The following LRP1B variants were observed in gnomAD, a reference collection of about 807,000 sequenced individuals.
The protein encoded by LRP1B is low-density lipoprotein receptor-related protein 1B.
LRP1B carries 217 observed loss-of-function variants against 556.6 expected under a neutral mutation model. That is an observed-to-expected ratio of 0.39 (90% CI 0.35 to 0.44). The LOEUF is 0.44. Among genes scored for constraint, LRP1B ranks in the 20% least tolerant of loss-of-function variants. LRP1B has a pLI of 1.00. For missense variants in LRP1B, 5,053 were observed against 5,620.8 expected (o/e 0.90, Z 3.23); for synonymous variants, 2,047 against 1,865.8 (o/e 1.10, Z -2.50).
At chr2:141,253,867 T>TATAGAC (rs1684362130) in intron 4 of LRP1B, among the ~76,000 whole-genome samples, 1 of 151,916 alleles carries the variant, frequency 6.6e-6, no homozygotes, top group African/African-American at 2.4e-5. Context: ...TAGATATAGA[T>TATAGAC]AGATTCTAAG....
chr2:141,493,578 G>C (rs1683412375), intron 2 of LRP1B, among the ~76,000 whole-genome samples: 1 of 152,146 alleles, frequency 6.6e-6, no homozygotes, highest in African/African-American at 2.4e-5. Flanking sequence ...ATGGGGTCAA[G>C]AGCTGGCAAA....
chr2:140,408,997 C>G (rs1684860988), intron 66 of LRP1B, among the ~76,000 whole-genome samples: 1 of 151,930 alleles, frequency 6.6e-6, no homozygotes, highest in Non-Finnish European at 1.5e-5. Context: ...ACTTCTCTTG[C>G]TAGTTCTCTT....
At chr2:140,977,490 T>C (rs1696636886) in intron 18 of LRP1B, among the ~76,000 whole-genome samples, 1 of 152,206 alleles carries the variant, frequency 6.6e-6, no homozygotes, top group Non-Finnish European at 1.5e-5. Flanking sequence ...TTTGCATATA[T>C]AGACATTCTT....
chr2:140,677,656 T>A (rs1685716774), intron 41 of LRP1B, among the ~76,000 whole-genome samples: 1 of 152,016 alleles, frequency 6.6e-6, no homozygotes, highest in African/African-American at 2.4e-5. Context: ...GTGGAACACC[T>A]GAGGTCAGTG....
intron 1 of LRP1B, among the ~76,000 whole-genome samples, chr2:141,950,872 G>C (rs1269596577): frequency 6.6e-6 from 1 of 152,070 alleles, no homozygotes; most frequent in Non-Finnish European, 1.5e-5. Context: ...TATATTGTAT[G>C]CCTAAATCTT....
intron 66 of LRP1B, among the ~76,000 whole-genome samples, chr2:140,435,953 A>T (rs1030930720): frequency 6.6e-6 from 1 of 151,884 alleles, no homozygotes; most frequent in African/African-American, 2.4e-5. Flanking sequence ...GCTCTCTCTC[A>T]CATACACACT....
chr2:141,966,879 G>A (rs888840302), intron 1 of LRP1B, among the ~76,000 whole-genome samples: 1 of 151,786 alleles, frequency 6.6e-6, no homozygotes, highest in African/African-American at 2.4e-5. Flanking sequence ...TAGTATGTAG[G>A]AGTCAGACAG....
intron 2 of LRP1B, among the ~76,000 whole-genome samples, chr2:141,534,504 C>G (rs964295954): frequency 6.6e-6 from 1 of 152,078 alleles, no homozygotes; most frequent in South Asian, 2.1e-4. Context: ...TCTCTCTTGT[C>G]GTGAGTGTAT....
intron 2 of LRP1B, among the ~76,000 whole-genome samples, chr2:141,522,146 C>T (rs1009551046): frequency 1.3e-5 from 2 of 152,104 alleles, no homozygotes; most frequent in Non-Finnish European, 2.9e-5. Flanking sequence ...TGCAAATTTT[C>T]AGGCCCCATC....
At chr2:140,637,575 T>A (rs961581424) in intron 41 of LRP1B, among the ~76,000 whole-genome samples, 4 of 151,772 alleles carry the variant, frequency 2.6e-5, no homozygotes, top group African/African-American at 9.7e-5. Flanking sequence ...AGAGTTCAAT[T>A]TTTTTTTTCC....
chr2:141,245,967 C>A (rs1016315170), intron 5 of LRP1B, among the ~76,000 whole-genome samples: 2 of 152,092 alleles, frequency 1.3e-5, no homozygotes, highest in African/African-American at 4.8e-5. Context: ...AGGCAATGAT[C>A]AGTACTGAGT....
chr2:141,510,398 A>T (rs1469309453), intron 2 of LRP1B, among the ~76,000 whole-genome samples: 1 of 152,134 alleles, frequency 6.6e-6, no homozygotes, highest in African/African-American at 2.4e-5. Context: ...GAGCATTTAT[A>T]TCTTCCAGTT....
intron 1 of LRP1B, among the ~76,000 whole-genome samples, chr2:141,821,219 G>A (rs938616982): frequency 6.6e-6 from 1 of 152,200 alleles, no homozygotes; most frequent in Admixed American, 6.5e-5. Flanking sequence ...AATTTGTATT[G>A]CTTCGATTCC....
intron 66 of LRP1B, among the ~76,000 whole-genome samples, chr2:140,392,533 G>C (rs1684068165): frequency 6.6e-6 from 1 of 151,882 alleles, no homozygotes; most frequent in Admixed American, 6.6e-5. Context: ...TGTCACCCAG[G>C]CTGGAGTGCA....
chr2:141,828,749 T>A (rs1451807065), intron 1 of LRP1B, among the ~76,000 whole-genome samples: 1 of 152,156 alleles, frequency 6.6e-6, no homozygotes, highest in Non-Finnish European at 1.5e-5. Flanking sequence ...CCCATAGGGA[T>A]GACAGTAAAT....
chr2:140,345,703 A>C (rs983776460), intron 77 of LRP1B, among the ~76,000 whole-genome samples: 12 of 145,494 alleles, frequency 8.2e-5, no homozygotes, highest in African/African-American at 3.0e-4. Context: ...ATGTCCTCTC[A>C]TAACTCATAT....
chr2:140,778,792 A>G (rs908194880), intron 32 of LRP1B, among the ~76,000 whole-genome samples: 2 of 152,104 alleles, frequency 1.3e-5, no homozygotes, highest in Non-Finnish European at 2.9e-5. Flanking sequence ...TTCTAATGCC[A>G]CATATATGAA....
chr2:140,300,894 G>A (rs551742689), intron 83 of LRP1B, among the ~76,000 whole-genome samples: 20 of 151,980 alleles, frequency 1.3e-4, no homozygotes, highest in Admixed American at 3.3e-4. Context: ...TATTATTATC[G>A]TTATTGTTAT....
At chr2:141,550,422 A>G (rs1331437000) in intron 2 of LRP1B, among the ~76,000 whole-genome samples, 1 of 152,114 alleles carries the variant, frequency 6.6e-6, no homozygotes, top group Admixed American at 6.6e-5. Context: ...CCATTTGTAA[A>G]CAGATTTTTA....
Sources: allele counts gnomAD v4.1 joint callset (sites outside exome capture counted in the v4.1 genomes callset), GRCh38; gene constraint gnomAD v4.1.1; transcripts MANE v1.5; gene names NCBI Gene and HGNC (gene_info 2026-07-23, HGNC 2026-07-21).